Variants in ANAPC1 observed in about 807,000 individuals in gnomAD.
ANAPC1 encodes anaphase promoting complex subunit 1.
In ANAPC1, 36 loss-of-function variants were observed where a neutral mutation model predicts 208.0. The observed-to-expected ratio is 0.17, with a 90% CI of 0.13 to 0.23. ANAPC1 has a LOEUF of 0.23. Ranked by LOEUF, ANAPC1 falls within the 10% of genes least tolerant of loss-of-function variation. ANAPC1 has a pLI of 1.00. For missense variants in ANAPC1, 942 were observed against 2,011.6 expected (o/e 0.47, Z 10.17); for synonymous variants, 378 against 695.2 (o/e 0.54, Z 7.18).
At chr2:111,851,106 A>ATT (rs112848714) in intron 13 of ANAPC1, among the ~76,000 whole-genome samples, 196 bp from the exon 14 acceptor site, 56 of 146,702 alleles carry the variant, frequency 3.8e-4, no homozygotes, top group Non-Finnish European at 2.3e-4. Flanking sequence ...TGTTGGTATA[A>ATT]TTTTTTTTTT....
intron 2 of ANAPC1, among the ~76,000 whole-genome samples, chr2:111,880,033 G>A (rs999324851): frequency 2.0e-5 from 3 of 152,108 alleles, no homozygotes; most frequent in Non-Finnish European, 4.4e-5. Flanking sequence ...AAAGAAAAAG[G>A]TTTAAAATGG....
At chr2:111,837,432 C>T (rs1680527186) in intron 18 of ANAPC1, among the ~76,000 whole-genome samples, 1 of 152,106 alleles carries the variant, frequency 6.6e-6, no homozygotes. Flanking sequence ...CCAGCCTGAC[C>T]AACATGGTGA....
rs549760115 is a variant in ANAPC1, at chr2:111,873,233, G to A, written c.528+75C>T. On this transcript the variant is annotated intron_variant, in intron 5 of 47. Coordinates refer to ENST00000341068, the MANE Select transcript of ANAPC1 (RefSeq NM_022662.4). Reference sequence around the variant, plus strand: ...GACTACTACGAAACATGAGACATAAGACATGCCTCTAAAACCAATTAATTC... The same window carrying A: ...GACTACTACGAAACATGAGACATAAAACATGCCTCTAAAACCAATTAATTC... 612 of 1,341,056 alleles carry A rather than the reference G, an allele frequency of 4.6e-4. 6 individuals are homozygous for A. The South Asian group carries it at 5.9e-3, about 13-fold the overall frequency. The allele number at this position is 1,341,056 out of a possible 1,614,324, so 83.1% of individuals were successfully genotyped here. A position where few individuals can be genotyped will look rare whatever the true frequency, so the allele number is the denominator to read the frequency against.
chr2:111,855,919 C>T (rs549251936), intron 13 of ANAPC1, among the ~76,000 whole-genome samples: 6 of 152,056 alleles, frequency 3.9e-5, no homozygotes, highest in Admixed American at 2.0e-4. Context: ...ATATTCTCTA[C>T]GTACATTTCA....
intron 16 of ANAPC1, among the ~76,000 whole-genome samples, chr2:111,845,679 G>A (rs539796082): frequency 1.1e-4 from 16 of 152,040 alleles, no homozygotes; most frequent in African/African-American, 3.1e-4. Context: ...TTGTGATTAC[G>A]AAATACCTTT....
Position 111,831,718 on chromosome 2 carries a change from G to A in ANAPC1, c.2477-284C>T, listed in dbSNP as rs568165382. 2.9e-4 allele frequency among the ~76,000 whole-genome samples: 44 copies of A among 150,156 alleles called. 1 individual carries two copies. The highest frequency in any genetic ancestry group is 6.3e-4 in the South Asian group (3 of 4,734). On this transcript the variant is annotated intron_variant, in intron 20 of 47. Transcript: ENST00000341068. ...TAGCTGGGCCTAGTGGTGCGCACCC[G>A]TAGTCCCAGCTGCTTGGGAGACTGA...
chr2:111,773,445 C>T (rs1166660568), intron 46 of ANAPC1, among the ~76,000 whole-genome samples: 1 of 152,130 alleles, frequency 6.6e-6, no homozygotes, highest in Non-Finnish European at 1.5e-5. Flanking sequence ...TGACCCTTTA[C>T]GTGCCTTACC....
chr2:111,824,332 T>C (rs1288862336), intron 24 of ANAPC1, among the ~76,000 whole-genome samples: 4 of 151,880 alleles, frequency 2.6e-5, no homozygotes, highest in African/African-American at 4.8e-5. Flanking sequence ...ATTAAAACTT[T>C]ACTTTTTAAC....
At chr2:111,772,857 G>C (rs1676816686) in intron 46 of ANAPC1, among the ~76,000 whole-genome samples, 1 of 151,756 alleles carries the variant, frequency 6.6e-6, no homozygotes, top group South Asian at 2.1e-4. Flanking sequence ...TACTAGTCTT[G>C]GCCAGGGGTC....
At position 111,872,704 on chromosome 2, in the gene ANAPC1, A is replaced by G; in HGVS notation, c.537T>C (p.Asn179=). 1 of 1,612,956 alleles carries G rather than the reference A, an allele frequency of 6.2e-7. No homozygotes were observed. The highest frequency in any genetic ancestry group is 8.5e-7 in the Non-Finnish European group (1 of 1,179,022). Residue 179 remains asparagine (N), a synonymous_variant, in exon 6 of 48, where the codon AAT becomes AAC. Transcript: ENST00000341068. ...YIASLPFQVA[N]VWPTKYGLLF... is the part of the protein sequence containing the mutation. ...GCAATCCATATTTAGTGGGCCAAAC[A>G]TTTGCAACCTTTCAGGTAAAAGGGT... is the stretch of plus-strand genomic sequence containing the variant.
At chr2:111,865,204 G>T (rs1220051833) in intron 7 of ANAPC1, among the ~76,000 whole-genome samples, 1 of 151,914 alleles carries the variant, frequency 6.6e-6, no homozygotes, top group Non-Finnish European at 1.5e-5. Context: ...TAAATGTTAA[G>T]ATTTGTGCTG....
At chr2:111,852,360 TCA>T (rs1262574696) in intron 13 of ANAPC1, among the ~76,000 whole-genome samples, 1 of 151,588 alleles carries the variant, frequency 6.6e-6, no homozygotes, top group Non-Finnish European at 1.5e-5. Flanking sequence ...ATGCCAACGT[TCA>T]CAGACAAAAC....
chr2:111,777,176 T>C, intron 45 of ANAPC1, 119 bp from the exon 46 acceptor site: 1 of 649,506 alleles, frequency 1.5e-6, no homozygotes, highest in Non-Finnish European at 2.8e-6. Context: ...CGGGGGGTGG[T>C]CCATTCTGTG....
chr2:111,839,552 T>A (rs1680646693), intron 17 of ANAPC1, among the ~76,000 whole-genome samples: 3 of 152,214 alleles, frequency 2.0e-5, no homozygotes, highest in South Asian at 4.1e-4. Flanking sequence ...TTGATTTCTA[T>A]ATAAAAACTA....
Position 111,880,857 on chromosome 2 carries a change from A to G in ANAPC1, c.-24-8T>C, listed in dbSNP as rs1419630449. On this transcript the variant is annotated splice_polypyrimidine_tract_variant and splice_region_variant and intron_variant, in intron 1 of 47. Transcript: ENST00000341068. ...CAAATATCAACATTATTTCTGTATG[A>G]ATTCAAACACATTCTGGTCAGCTTC... 2 of 1,607,390 alleles carry G rather than the reference A, an allele frequency of 1.2e-6. No homozygotes were observed. Among genetic ancestry groups the G allele is most frequent in the East Asian group, 2.2e-5 (1 of 44,838 alleles).
intron 21 of ANAPC1, among the ~76,000 whole-genome samples, chr2:111,828,001 C>T (rs1679929795): frequency 1.3e-5 from 2 of 151,998 alleles, no homozygotes; most frequent in Non-Finnish European, 2.9e-5. Context: ...AAGACATTCA[C>T]AGAAAAACCT....
At chr2:111,853,952 A>G (rs1681556878) in intron 13 of ANAPC1, among the ~76,000 whole-genome samples, 1 of 152,068 alleles carries the variant, frequency 6.6e-6, no homozygotes, top group Non-Finnish European at 1.5e-5. Context: ...TCCTGACCTC[A>G]TGATCCACCT....
intron 26 of ANAPC1, among the ~76,000 whole-genome samples, chr2:111,820,911 CTTTG>C (rs71280887): frequency 0.16 from 24,101 of 150,166 alleles, 1,257 homozygotes; most frequent in Middle Eastern, 0.26. Flanking sequence ...CCAGTGTTTT[CTTTG>C]TTTGTAAATT....
chr2:111,880,993 A>C, intron 1 of ANAPC1, 144 bp from the exon 2 acceptor site: 1 of 696,996 alleles, frequency 1.4e-6, no homozygotes, highest in Non-Finnish European at 2.4e-6. Context: ...CATAACATAA[A>C]AGGGCATTCT....
Sources: gnomAD v4.1 joint callset for allele counts (sites outside exome capture counted in the v4.1 genomes callset) on GRCh38, gnomAD v4.1.1 for gene constraint, MANE v1.5 for transcripts, NCBI Gene and HGNC (gene_info 2026-07-23, HGNC 2026-07-21) for gene names.